The following ST8SIA2 variants were observed in gnomAD, a reference collection of about 807,000 sequenced individuals.
ST8SIA2 encodes the protein alpha-2,8-sialyltransferase 8B.
A neutral mutation model predicts 37.6 loss-of-function variants in ST8SIA2; 22 were observed. The ratio of observed to expected loss-of-function variants is 0.58; its 90% CI spans 0.42 to 0.83. The LOEUF (loss-of-function observed/expected upper bound fraction) is 0.83. ST8SIA2 is among the 40% of genes least tolerant of loss of function. ST8SIA2 has a pLI of 0.00. For synonymous variants in ST8SIA2, 205 were observed against 201.2 expected (o/e 1.02, Z -0.16); for missense variants, 382 against 484.7 (o/e 0.79, Z 1.99).
chr15:92,399,695 T>C (rs1039635201), intron 1 of ST8SIA2, among the ~76,000 whole-genome samples: 2 of 152,120 alleles, frequency 1.3e-5, no homozygotes, highest in Non-Finnish European at 2.9e-5. Flanking sequence ...AAGATCTGGT[T>C]TTAACTCACT....
At position 92,444,665 on chromosome 15, in the gene ST8SIA2, C is replaced by T. The variant is rs752964562; in HGVS notation, c.578C>T (p.Ala193Val). ...AACCTGGCCCCAGTACAGGAGTATG[C>T]CCGGGATGTGGGGCTCAAGACAGAC... ...RCNLAPVQEYARDVGLKTDLV... is the reference protein window; with the variant it reads ...RCNLAPVQEYVRDVGLKTDLV... The change falls in exon 5 of 6, where the codon GCC becomes GTC. Residue 193 changes from alanine to valine, a missense_variant. Transcript: ENST00000268164. 14 of 1,614,100 alleles carry T rather than the reference C, an allele frequency of 8.7e-6. No individual in the cohort carries two copies. In the Admixed American group the frequency reaches 2.0e-4, roughly 23 times the overall value.
chr15:92,457,170 A>G (rs1418245839), intron 5 of ST8SIA2, among the ~76,000 whole-genome samples: 1 of 152,194 alleles, frequency 6.6e-6, no homozygotes, highest in Non-Finnish European at 1.5e-5. Context: ...GATCGTTCAC[A>G]AAGCATCACT....
intron 5 of ST8SIA2, among the ~76,000 whole-genome samples, chr15:92,446,223 T>C (rs2049841652): frequency 6.6e-6 from 1 of 152,154 alleles, no homozygotes; most frequent in African/African-American, 2.4e-5. Context: ...TCTCTCTTTA[T>C]GTTATATTAG....
intron 5 of ST8SIA2, among the ~76,000 whole-genome samples, chr15:92,450,634 G>T (rs1313770305): frequency 6.6e-6 from 1 of 152,122 alleles, no homozygotes; most frequent in Non-Finnish European, 1.5e-5. Context: ...GATCTTATGA[G>T]AACTCACTCA....
Position 92,438,576 on chromosome 15 carries a change from G to C in ST8SIA2, c.514G>C (p.Gly172Arg). The C allele has an allele frequency of 6.2e-7, 1 of 1,611,800 alleles. No individual in the cohort carries two copies. Among genetic ancestry groups the C allele is most frequent in the Non-Finnish European group, 8.5e-7 (1 of 1,178,552 alleles). The stretch of plus-strand genomic sequence containing the variant: ...GGGGGTCTTGCTGAACAGCGGCTGT[G>C]GGCAGGAGATTGACGCCCACAGCTT... ...NSGVLLNSGC[G>R]QEIDAHSFVI... The change falls in exon 4 of 6, where the codon GGG (glycine) becomes CGG (arginine). Residue 172 changes from glycine to arginine, a missense_variant. By Grantham distance (125) the Gly-to-Arg change is moderately radical (BLOSUM62 -2). Transcript: ENST00000268164.
chr15:92,463,535 G>A (rs35398954), intron 5 of ST8SIA2, among the ~76,000 whole-genome samples: 18,932 of 152,226 alleles, frequency 0.12, 1,274 homozygotes, highest in African/African-American at 0.17. Flanking sequence ...GGGACTCTTG[G>A]AAAGGCAGCA....
chr15:92,405,099 AT>A (rs34818261), intron 1 of ST8SIA2, among the ~76,000 whole-genome samples: 67,625 of 152,002 alleles, frequency 0.44, 15,434 homozygotes, highest in Middle Eastern at 0.51. Context: ...GTTCTTAAAA[AT>A]TTTTTTTAAA....
At chr15:92,431,091 C>T (rs76115257) in intron 2 of ST8SIA2, among the ~76,000 whole-genome samples, 3,960 of 152,220 alleles carry the variant, frequency 0.026, 185 homozygotes, top group African/African-American at 0.088. Context: ...ATGAATGAAG[C>T]CCGTGTTATG....
At chr15:92,399,797 CT>C (rs1002159974) in intron 1 of ST8SIA2, among the ~76,000 whole-genome samples, 61 of 152,334 alleles carry the variant, frequency 4.0e-4, no homozygotes, top group African/African-American at 1.3e-3. Context: ...CTCAGAGCCT[CT>C]TTCCCCCTGT....
intron 1 of ST8SIA2, among the ~76,000 whole-genome samples, chr15:92,408,655 G>A (rs552673552): frequency 6.6e-6 from 1 of 151,852 alleles, no homozygotes; most frequent in East Asian, 1.9e-4. Context: ...TGTCTGATTT[G>A]AAATCCACTG....
At chr15:92,430,627 G>A (rs986193480) in intron 2 of ST8SIA2, among the ~76,000 whole-genome samples, 2 of 152,212 alleles carry the variant, frequency 1.3e-5, no homozygotes, top group Non-Finnish European at 2.9e-5. Context: ...ATGTAATGGT[G>A]CAGAACAGTC....
intron 1 of ST8SIA2, among the ~76,000 whole-genome samples, chr15:92,408,247 C>T (rs1435558052): frequency 6.6e-6 from 1 of 152,040 alleles, no homozygotes; most frequent in Non-Finnish European, 1.5e-5. Context: ...ATGCCTTAGG[C>T]CCAAGAAGAC....
chr15:92,411,703 G>C (rs1040738888), intron 1 of ST8SIA2, among the ~76,000 whole-genome samples: 1 of 152,162 alleles, frequency 6.6e-6, no homozygotes, highest in African/African-American at 2.4e-5. Flanking sequence ...GAGATAGGAA[G>C]TGACTTGTCC....
At chr15:92,424,246 C>T (rs567891318) in intron 1 of ST8SIA2, among the ~76,000 whole-genome samples, 6 of 152,272 alleles carry the variant, frequency 3.9e-5, no homozygotes, top group South Asian at 2.1e-4. Context: ...AAACTGTAAA[C>T]GTGGGAAATT....
At chr15:92,426,986 C>T (rs990905525) in intron 1 of ST8SIA2, among the ~76,000 whole-genome samples, 1 of 152,032 alleles carries the variant, frequency 6.6e-6, no homozygotes, top group Non-Finnish European at 1.5e-5. Context: ...TCCAACTACT[C>T]GGGATGCTGA....
Position 92,442,437 on chromosome 15 carries a change from C to T in ST8SIA2, c.549-2199C>T, listed in dbSNP as rs111931890. Among the ~76,000 whole-genome samples, 636 of 152,222 alleles carry T rather than the reference C, an allele frequency of 4.2e-3. 2 individuals are homozygous for T. Among genetic ancestry groups the T allele is most frequent in the African/African-American group, 0.013 (552 of 41,532 alleles). The stretch of plus-strand genomic sequence containing the variant: ...ATTTCCTGCTTCACCCCTCGTGAGC[C>T]GCCAGGGTCAGGTGCCACATCCCCT... On this transcript the variant is annotated intron_variant, in intron 4 of 5. Coordinates refer to ENST00000268164, the MANE Select transcript of ST8SIA2 (RefSeq NM_006011.4).
At chr15:92,445,312 A>C (rs1348359118) in intron 5 of ST8SIA2, among the ~76,000 whole-genome samples, 1 of 152,152 alleles carries the variant, frequency 6.6e-6, no homozygotes, top group Non-Finnish European at 1.5e-5. Context: ...GATGCACTTG[A>C]CTTCAAGTAA....
At chr15:92,401,720 C>CTT (rs1048917621) in intron 1 of ST8SIA2, among the ~76,000 whole-genome samples, 3 of 148,568 alleles carry the variant, frequency 2.0e-5, no homozygotes, top group Admixed American at 2.0e-4. Flanking sequence ...TTCCCAGTGC[C>CTT]TTTTTTTTTT....
At chr15:92,407,243 G>T (rs1272995609) in intron 1 of ST8SIA2, among the ~76,000 whole-genome samples, 2 of 152,164 alleles carry the variant, frequency 1.3e-5, no homozygotes, top group Non-Finnish European at 2.9e-5. Context: ...TGTTTTCCAA[G>T]GTGCCAGGGG....
Sources: allele counts gnomAD v4.1 joint callset (sites outside exome capture counted in the v4.1 genomes callset), GRCh38; gene constraint gnomAD v4.1.1; transcripts MANE v1.5; gene names NCBI Gene and HGNC (gene_info 2026-07-23, HGNC 2026-07-21).